The following CEP70 variants were observed in gnomAD, a reference collection of about 807,000 sequenced individuals.
CEP70 encodes centrosomal protein 70, also known as centrosomal protein of 70 kDa.
CEP70 carries 70 observed loss-of-function variants against 90.9 expected under a neutral mutation model. The observed-to-expected ratio is 0.77, with a 90% CI of 0.64 to 0.94. CEP70 has a LOEUF of 0.94. Among genes scored for constraint, CEP70 ranks in the 40% least tolerant of loss-of-function variants. The probability of loss-of-function intolerance (pLI) is 0.00; values close to 1 mark genes in which losing one functional copy is unlikely to be tolerated. For missense variants in CEP70, 648 were observed against 669.0 expected (o/e 0.97, Z 0.35); for synonymous variants, 220 against 228.3 (o/e 0.96, Z 0.33).
intron 2 of CEP70, among the ~76,000 whole-genome samples, chr3:138,577,133 G>A (rs1172906806): frequency 1.3e-5 from 2 of 152,094 alleles, no homozygotes; most frequent in Non-Finnish European, 2.9e-5. Flanking sequence ...CTCATAGGTG[G>A]GAACTGAACA....
rs2033857138 is a variant in CEP70, at chr3:138,494,700, C to T, written c.*315G>A. On this transcript the variant is annotated 3_prime_UTR_variant, in exon 18 of 18. Transcript: ENST00000264982. Reference sequence around the variant, plus strand: ...GAATCTAAAAGATTGCAACCTACTACTTGCAATCTGTCTCCCTGGGCTCCT... The same window carrying T: ...GAATCTAAAAGATTGCAACCTACTATTTGCAATCTGTCTCCCTGGGCTCCT... 1 of 192,666 alleles carries T rather than the reference C, an allele frequency of 5.2e-6. No homozygotes were observed. 11.9% of individuals were successfully genotyped at this position (192,666 alleles called of 1,614,324 possible).
At chr3:138,520,803 C>T (rs868234506) in intron 11 of CEP70, among the ~76,000 whole-genome samples, 4 of 152,022 alleles carry the variant, frequency 2.6e-5, no homozygotes, top group South Asian at 2.1e-4. Context: ...TCCCTTTTCA[C>T]GGTCTCCCCC....
intron 6 of CEP70, among the ~76,000 whole-genome samples, chr3:138,543,636 C>G (rs190039962): frequency 1.2e-4 from 18 of 152,178 alleles, no homozygotes; most frequent in African/African-American, 4.1e-4. Context: ...CCATGGAGCA[C>G]GCAGCCCTGC....
In CEP70 at chr3:138,571,275, C is replaced by G. The variant is rs2041155971; in HGVS notation, c.151G>C (p.Asp51His). 6.2e-7 allele frequency: 1 copy of G among 1,606,332 alleles called. No individual in the cohort carries two copies. Among genetic ancestry groups the G allele is most frequent in the Non-Finnish European group, 8.5e-7 (1 of 1,175,832 alleles). ...AATAGGATCTAATTACCTTTGAGAT[C>G]TGTTCTTTTGACTAGAGACAAAGGT... ...LKPLSLVKRT[D>H]LKDLIIFDKQ... The change falls in exon 4 of 18, where the codon GAT becomes CAT. Residue 51 changes from aspartate to histidine, a missense_variant. Asp to His is a moderately conservative substitution (Grantham distance 81). Transcript: ENST00000264982.
At chr3:138,552,000 C>A (rs1366118473) in intron 6 of CEP70, among the ~76,000 whole-genome samples, 5 of 152,082 alleles carry the variant, frequency 3.3e-5, no homozygotes, top group African/African-American at 1.2e-4. Flanking sequence ...TGCAAATGGA[C>A]AAAAGCGAGT....
At chr3:138,513,056 A>G (rs1169959645) in intron 11 of CEP70, among the ~76,000 whole-genome samples, 2 of 152,198 alleles carry the variant, frequency 1.3e-5, no homozygotes, top group Non-Finnish European at 2.9e-5. Context: ...CTCTAGGTGA[A>G]AAGTCCAGCT....
chr3:138,511,805 A>T (rs912825567), intron 11 of CEP70, among the ~76,000 whole-genome samples: 1 of 152,222 alleles, frequency 6.6e-6, no homozygotes, highest in African/African-American at 2.4e-5. Flanking sequence ...TTCTATTTAT[A>T]TAAGACAATG....
chr3:138,520,000 A>G (rs901682007), intron 11 of CEP70, among the ~76,000 whole-genome samples: 2 of 152,198 alleles, frequency 1.3e-5, no homozygotes, highest in Non-Finnish European at 2.9e-5. Context: ...CTACTAAGCA[A>G]ATGGAAAACA....
chr3:138,532,682 G>C (rs900372603), intron 7 of CEP70, 112 bp from the exon 8 acceptor site: 2 of 986,534 alleles, frequency 2.0e-6, no homozygotes, highest in Non-Finnish European at 2.7e-6. Context: ...AGATTATCTG[G>C]CAGGCTTTAA....
intron 7 of CEP70, among the ~76,000 whole-genome samples, chr3:138,535,617 T>G (rs1237897009): frequency 6.6e-6 from 1 of 152,176 alleles, no homozygotes; most frequent in East Asian, 1.9e-4. Context: ...TGTCTCAAAC[T>G]GAAAGTTTGC....
intron 8 of CEP70, chr3:138,531,523 G>A (rs1476619128): frequency 1.3e-5 from 2 of 152,152 alleles, no homozygotes; most frequent in East Asian, 3.8e-4. Context: ...CAACAGCCGA[G>A]TTGAGTAGTT....
chr3:138,537,019 A>T, intron 7 of CEP70, 159 bp downstream of exon 7: 2 of 403,346 alleles, frequency 5.0e-6, no homozygotes, highest in Non-Finnish European at 8.6e-6. Context: ...AAAAAAAAAA[A>T]GAACAGGATG....
At chr3:138,523,402 G>A (rs879158981) in intron 11 of CEP70, among the ~76,000 whole-genome samples, 2 of 152,038 alleles carry the variant, frequency 1.3e-5, no homozygotes, top group African/African-American at 4.8e-5. Flanking sequence ...AGGAAATAAA[G>A]GGTATTCAAT....
At chr3:138,500,657 G>C (rs1159195185) in intron 14 of CEP70, 78 bp downstream of exon 14, 1 of 1,491,884 alleles carries the variant, frequency 6.7e-7, no homozygotes, top group East Asian at 2.3e-5. Context: ...AACTCTAGTA[G>C]AACAAATATC....
chr3:138,507,023 A>G (rs1342463829), intron 12 of CEP70, among the ~76,000 whole-genome samples: 2 of 152,104 alleles, frequency 1.3e-5, no homozygotes, highest in African/African-American at 4.8e-5. Context: ...GATTACAGGC[A>G]TGAGCCACCA....
rs771457397 is a variant in CEP70, at chr3:138,498,031, C to G, written c.1732G>C (p.Glu578Gln). 1.9e-6 allele frequency: 3 copies of G among 1,612,064 alleles called. No individual in the cohort carries two copies. In the South Asian group the frequency reaches 3.3e-5, roughly 18 times the overall value. Residue 578 changes from glutamate to glutamine, a missense_variant and splice_region_variant, in exon 17 of 18, where the codon GAA becomes CAA. Transcript: ENST00000264982. ...TCACCATCACCACCAGAGATCTTAC[C>G]TAAGATTTCAAGTAGATCATTAGTA... is the stretch of plus-strand genomic sequence containing the variant. ...AFTNDLLEILEIDDLDAIVPA... is the reference protein window; with the variant it reads ...AFTNDLLEILQIDDLDAIVPA...
At chr3:138,520,980 TG>T (rs2036562627) in intron 11 of CEP70, among the ~76,000 whole-genome samples, 1 of 152,174 alleles carries the variant, frequency 6.6e-6, no homozygotes, top group Non-Finnish European at 1.5e-5. Flanking sequence ...GACTGGTTTT[TG>T]TATTTTTTGG....
At chr3:138,561,019 T>C (rs1272022759) in intron 6 of CEP70, among the ~76,000 whole-genome samples, 1 of 152,086 alleles carries the variant, frequency 6.6e-6, no homozygotes, top group Middle Eastern at 3.2e-3. Flanking sequence ...GAGCAGCAGA[T>C]CTCAGAGCGT....
chr3:138,583,308 A>G (rs2041959599), intron 2 of CEP70, among the ~76,000 whole-genome samples: 1 of 152,242 alleles, frequency 6.6e-6, no homozygotes, highest in Admixed American at 6.5e-5. Context: ...ACCCTGATAT[A>G]TAAAGCAAAT....
Sources: allele counts gnomAD v4.1 joint callset (sites outside exome capture counted in the v4.1 genomes callset), GRCh38; gene constraint gnomAD v4.1.1; transcripts MANE v1.5; gene names NCBI Gene and HGNC (gene_info 2026-07-23, HGNC 2026-07-21).